NPC1L1: variants seen among roughly 807,000 people sequenced by gnomAD.
NPC1L1 encodes NPC1-like intracellular cholesterol transporter 1.
A neutral mutation model predicts 117.0 loss-of-function variants in NPC1L1; 98 were observed. The observed-to-expected ratio is 0.84, with a 90% CI of 0.71 to 0.99. The LOEUF (loss-of-function observed/expected upper bound fraction) is 0.99, where lower values mean the gene tolerates loss of function less well. Ranked by LOEUF, NPC1L1 falls within the 50% of genes least tolerant of loss-of-function variation. The pLI is 0.00. For synonymous variants in NPC1L1, 729 were observed against 727.6 expected, an observed-to-expected ratio of 1.00 and a Z score of -0.03; for missense variants, 1,540 against 1,710.0, an observed-to-expected ratio of 0.90 and a Z score of 1.75.
At position 44,534,524 on chromosome 7, in the gene NPC1L1, C is replaced by T. The variant is rs769677447; in HGVS notation, c.2089G>A (p.Val697Ile). The T allele has an allele frequency of 1.9e-6, 3 of 1,614,158 alleles. No homozygotes were observed. Among genetic ancestry groups the T allele is most frequent in the Non-Finnish European group, 2.5e-6 (3 of 1,180,022 alleles). Reference sequence around the variant, plus strand: ...AGGAAAGGAACCACTTGCAGGATGACCAGGGAGGAGCGGATACCCAAGTAG... The same window carrying T: ...AGGAAAGGAACCACTTGCAGGATGATCAGGGAGGAGCGGATACCCAAGTAG... Reference protein sequence around the residue: ...FSYLGIRSSLVILQVVPFLVL... With the variant: ...FSYLGIRSSLIILQVVPFLVL... The change falls in exon 6 of 19, where the codon GTC becomes ATC. Residue 697 changes from valine to isoleucine, a missense_variant. Transcript: ENST00000381160. This position sits in a 1 kb window ranked among gnomAD's most constrained non-coding sequence, Gnocchi z 5.2.
At chr7:44,517,483 A>C in intron 14 of NPC1L1, 126 bp from the exon 15 acceptor site, 1 of 1,177,796 alleles carries the variant, frequency 8.5e-7, no homozygotes, top group East Asian at 2.4e-5. Context: ...CTCTGCCACC[A>C]CCATTTGAAA....
intron 10 of NPC1L1, among the ~76,000 whole-genome samples, chr7:44,526,358 G>C (rs954696946): frequency 2.0e-5 from 3 of 151,710 alleles, no homozygotes; most frequent in Admixed American, 6.6e-5. Context: ...AGACCAGCTT[G>C]ACTAACATGG....
At position 44,513,372 on chromosome 7, in the gene NPC1L1, A is replaced by G; in HGVS notation, c.*75T>C. ...TAGGATTTGAGGAGGGCGTGTGTCA[A>G]GGGGCAGTCACAAGGAAGATCCCCA... On this transcript the variant is annotated 3_prime_UTR_variant, in exon 19 of 19. Coordinates refer to ENST00000381160, the MANE Select transcript of NPC1L1 (RefSeq NM_001101648.2). 1 of 1,399,986 alleles carries G rather than the reference A, an allele frequency of 7.1e-7. No homozygotes were observed. Among genetic ancestry groups the G allele is most frequent in the Non-Finnish European group, 1.0e-6 (1 of 986,980 alleles). 86.7% of individuals were successfully genotyped at this position (1,399,986 alleles called of 1,614,324 possible). A position where few individuals can be genotyped will look rare whatever the true frequency, so the allele number is the denominator to read the frequency against.
At chr7:44,519,150 T>C (rs923537319) in intron 14 of NPC1L1, among the ~76,000 whole-genome samples, 9 of 152,186 alleles carry the variant, frequency 5.9e-5, no homozygotes, top group African/African-American at 9.6e-5. Flanking sequence ...CACCTTGGCC[T>C]CCCAACGTAC....
chr7:44,517,259 C>A lies in NPC1L1; in HGVS notation c.3235G>T (p.Asp1079Tyr). Residue 1079 changes from aspartate to tyrosine, a missense_variant, in exon 15 of 19, where the codon GAC becomes TAC. By Grantham distance (160) the Asp-to-Tyr change is radical. This residue lies in a region of NPC1L1 where 742 missense variants were observed against 873.6 expected (regional missense o/e 0.85). Coordinates refer to ENST00000381160, the MANE Select transcript of NPC1L1 (RefSeq NM_001101648.2). Reference protein sequence around the residue: ...ARELAANITADLRKVPGTDPA... With the variant: ...ARELAANITAYLRKVPGTDPA... Reference sequence around the variant, plus strand: ...TCTGTTCCAGGCACTTTCCGCAGGTCAGCAGTGATGTTGGCTGCCAGCTCT... The same window carrying A: ...TCTGTTCCAGGCACTTTCCGCAGGTAAGCAGTGATGTTGGCTGCCAGCTCT... 1.2e-6 allele frequency: 2 copies of A among 1,614,020 alleles called. No individual in the cohort carries two copies. The highest frequency in any genetic ancestry group is 1.7e-6 in the Non-Finnish European group (2 of 1,179,990).
rs1336394880 is a variant in NPC1L1 at position 44,536,213 on chromosome 7, A to T, written c.1854+43T>A. The T allele has an allele frequency of 6.2e-7, 1 of 1,610,122 alleles. No individual in the cohort carries two copies. The highest frequency in any genetic ancestry group is 2.2e-5 in the East Asian group (1 of 44,884). On this transcript the variant is annotated intron_variant, in intron 4 of 18. Coordinates refer to ENST00000381160, the MANE Select transcript of NPC1L1 (RefSeq NM_001101648.2). The surrounding 1 kb of genome is among the most constrained non-coding windows in gnomAD (Gnocchi z 4.7). ...GGGACACAGGAACTGACCCAAGACCACCTGGGTTGCACCCCCAGAGCCAGG... is the reference window on the plus strand; with the variant it reads ...GGGACACAGGAACTGACCCAAGACCTCCTGGGTTGCACCCCCAGAGCCAGG...
chr7:44,539,557 C>A lies in NPC1L1; in HGVS notation c.840G>T (p.Gln280His), dbSNP rs61737028. ...TGATGAGGACCAGACTGCCCGGCATCTGGCCCAGGTAGAAGGTGGAGTCGA... is the reference window on the plus strand; with the variant it reads ...TGATGAGGACCAGACTGCCCGGCATATGGCCCAGGTAGAAGGTGGAGTCGA... ...QALDSTFYLGQMPGSLVLIII... is the reference protein window; with the variant it reads ...QALDSTFYLGHMPGSLVLIII... Residue 280 changes from glutamine (Q) to histidine (H), a missense_variant, in exon 2 of 19, where the codon CAG (glutamine) becomes CAT (histidine). Gln to His is a conservative substitution (Grantham distance 24). Around this residue, in one of 3 missense-constraint regions of NPC1L1, gnomAD observed 793 missense variants for 820.4 expected, o/e 0.97. Coordinates refer to ENST00000381160, the MANE Select transcript of NPC1L1 (RefSeq NM_001101648.2). This position sits in a 1 kb window ranked among gnomAD's most constrained non-coding sequence, Gnocchi z 4.4. The A allele has an allele frequency of 2.0e-5, 32 of 1,614,104 alleles. No individual in the cohort carries two copies. The highest frequency in any genetic ancestry group is 2.7e-5 in the Non-Finnish European group (32 of 1,179,990).
rs1801640427 is a variant in NPC1L1, at chr7:44,529,786, A to G, written c.2637+1969T>C. On this transcript the variant is annotated intron_variant, in intron 10 of 18. Coordinates refer to ENST00000381160, the MANE Select transcript of NPC1L1 (RefSeq NM_001101648.2). ...CACAGTGGTTCATGCCTGTAATCCC[A>G]GCACTTTGGGAGGGCAAAGCAGGCA... Among the ~76,000 whole-genome samples, 4 of 152,118 alleles carry G rather than the reference A, an allele frequency of 2.6e-5. No homozygotes were observed. The South Asian group carries it at 8.3e-4, about 32-fold the overall frequency.
intron 10 of NPC1L1, 120 bp from the exon 11 acceptor site, chr7:44,522,362 G>A (rs1025399191): frequency 2.1e-6 from 2 of 952,848 alleles, no homozygotes; most frequent in African/African-American, 3.2e-5. Context: ...CATGTTCAGA[G>A]GTCCATGATC....
rs777734735 is a variant in NPC1L1, at chr7:44,538,899, G to A, written c.1498C>T (p.Leu500Phe). The A allele has an allele frequency of 6.2e-7, 1 of 1,614,236 alleles. No homozygotes were observed. The highest frequency in any genetic ancestry group is 8.5e-7 in the Non-Finnish European group (1 of 1,180,030). Residue 500 changes from leucine (L) to phenylalanine (F), a missense_variant, in exon 2 of 19, where the codon CTC becomes TTC. Physicochemically the swap from Leu to Phe is conservative, Grantham distance 22. Around this residue, in one of 3 missense-constraint regions of NPC1L1, gnomAD observed 793 missense variants for 820.4 expected, o/e 0.97. Coordinates refer to ENST00000381160, the MANE Select transcript of NPC1L1 (RefSeq NM_001101648.2). This position sits in a 1 kb window ranked among gnomAD's most constrained non-coding sequence, Gnocchi z 5.9. ...LLQYFQNNRT[L>F]LLLTANQTLM... ...GTCTGGTTGGCTGTGAGCAGCAGGA[G>A]CGTGCGGTTGTTCTGGAAATACTGC...
intron 9 of NPC1L1, 115 bp from the exon 10 acceptor site, chr7:44,531,959 C>A: frequency 2.0e-6 from 3 of 1,530,870 alleles, no homozygotes; most frequent in Non-Finnish European, 2.7e-6. Flanking sequence ...AGCAGACTTG[C>A]GTGCCAGCCC....
Position 44,536,531 on chromosome 7 carries a change from A to G in NPC1L1, c.1682-103T>C, listed in dbSNP as rs1363457670. ...CCCCCTATCTAGCTGCACCCCTCCCATCACCCCTTGCTCCTTCTCCCCCAC... is the reference window on the plus strand; with the variant it reads ...CCCCCTATCTAGCTGCACCCCTCCCGTCACCCCTTGCTCCTTCTCCCCCAC... On this transcript the variant is annotated intron_variant, in intron 3 of 18. Coordinates refer to ENST00000381160, the MANE Select transcript of NPC1L1 (RefSeq NM_001101648.2). The surrounding 1 kb of genome is among the most constrained non-coding windows in gnomAD (Gnocchi z 4.7). 2 of 1,153,312 alleles carry G rather than the reference A, an allele frequency of 1.7e-6. No individual in the cohort carries two copies. Among genetic ancestry groups the G allele is most frequent in the Middle Eastern group, 2.0e-4 (1 of 5,020 alleles). 71.4% of individuals were successfully genotyped at this position (1,153,312 alleles called of 1,614,324 possible).
chr7:44,531,681 A>G (rs1010003207), intron 10 of NPC1L1, 74 bp downstream of exon 10: 1 of 1,358,416 alleles, frequency 7.4e-7, no homozygotes, highest in Non-Finnish European at 1.0e-6. Flanking sequence ...GGACCCCCCA[A>G]CCCATCCCTG....
rs1255670022 is a variant in NPC1L1 at position 44,516,939 on chromosome 7, C to T, written c.3288-5G>A. On this transcript the variant is annotated splice_polypyrimidine_tract_variant and splice_region_variant and intron_variant, in intron 15 of 18. Coordinates refer to ENST00000381160, the MANE Select transcript of NPC1L1 (RefSeq NM_001101648.2). ...TCATAAAACACATTGGTGATCCTGCCAGAGCACAGAGCATGGTCACAGGCT... is the reference window on the plus strand; with the variant it reads ...TCATAAAACACATTGGTGATCCTGCTAGAGCACAGAGCATGGTCACAGGCT... 6.2e-7 allele frequency: 1 copy of T among 1,610,232 alleles called. No homozygotes were observed. The highest frequency in any genetic ancestry group is 8.5e-7 in the Non-Finnish European group (1 of 1,178,350).
intron 10 of NPC1L1, among the ~76,000 whole-genome samples, chr7:44,527,272 A>T (rs189954116): frequency 2.2e-4 from 33 of 151,970 alleles, no homozygotes; most frequent in Non-Finnish European, 4.4e-5. Context: ...CAGCCTGACC[A>T]ACATGGAGAA....
Position 44,534,797 on chromosome 7 carries a change from C to T in NPC1L1, c.1984-168G>A, listed in dbSNP as rs1292318318. ...CACATCTCACATTAAAGCCCCTCTG[C>T]AGAGCCATCCTCCCAAGGGGAGGTC... On this transcript the variant is annotated intron_variant, in intron 5 of 18. Transcript: ENST00000381160. This position sits in a 1 kb window ranked among gnomAD's most constrained non-coding sequence, Gnocchi z 5.2. 6.6e-6 allele frequency among the ~76,000 whole-genome samples: 1 copy of T among 152,210 alleles called. No homozygotes were observed. Among genetic ancestry groups the T allele is most frequent in the Non-Finnish European group, 1.5e-5 (1 of 68,038 alleles).
In NPC1L1 at chr7:44,531,860, C is replaced by A; in HGVS notation, c.2548-16G>T. 6.4e-7 allele frequency: 1 copy of A among 1,566,096 alleles called. No individual in the cohort carries two copies. The highest frequency in any genetic ancestry group is 8.7e-7 in the Non-Finnish European group (1 of 1,154,596). The stretch of plus-strand genomic sequence containing the variant: ...ACAGCAGCAGCTGAGAAGGGACCTG[C>A]TGCATGAGACCACCCTGCCCAACAG... On this transcript the variant is annotated splice_polypyrimidine_tract_variant and intron_variant, in intron 9 of 18. Coordinates refer to ENST00000381160, the MANE Select transcript of NPC1L1 (RefSeq NM_001101648.2).
At position 44,541,283 on chromosome 7, in the gene NPC1L1, G is replaced by C. The variant is rs769595729; in HGVS notation, c.-24C>G. The C allele has an allele frequency of 6.5e-7, 1 of 1,548,660 alleles. No homozygotes were observed. Among genetic ancestry groups the C allele is most frequent in the Non-Finnish European group, 8.7e-7 (1 of 1,146,350 alleles). On this transcript the variant is annotated 5_prime_UTR_variant, in exon 1 of 19. Transcript: ENST00000381160. ...ATCCCAGGTCTGGGAAGGGGTCAGC[G>C]GGGAGCCAGGCCAGGCCTCAGGAAC...
At chr7:44,520,420 A>G (rs994997815) in intron 14 of NPC1L1, among the ~76,000 whole-genome samples, 5 of 152,150 alleles carry the variant, frequency 3.3e-5, no homozygotes, top group African/African-American at 1.2e-4. Context: ...GACTGCTAGG[A>G]TTGTGCTGTG....
Sources: allele counts gnomAD v4.1 joint callset (sites outside exome capture counted in the v4.1 genomes callset), GRCh38; gene constraint gnomAD v4.1.1; regional missense constraint gnomAD v4.1.1; non-coding constraint Gnocchi (gnomAD v3.1); transcripts MANE v1.5; gene names NCBI Gene and HGNC (gene_info 2026-07-23, HGNC 2026-07-21).